Variants in CTBP2 observed in about 807,000 individuals in gnomAD.
The protein encoded by CTBP2 is C-terminal binding protein 2.
In CTBP2, 30 loss-of-function variants were observed where a neutral mutation model predicts 80.3. The observed-to-expected ratio is 0.37, with a 90% CI of 0.28 to 0.51. The LOEUF is 0.51. Ranked by LOEUF, CTBP2 falls within the 20% of genes least tolerant of loss-of-function variation. The probability of loss-of-function intolerance (pLI) is 0.93; values close to 1 mark genes in which losing one functional copy is unlikely to be tolerated. For synonymous variants in CTBP2, 594 were observed against 587.4 expected, an observed-to-expected ratio of 1.01 and a Z score of -0.16; for missense variants, 1,212 against 1,375.3, an observed-to-expected ratio of 0.88 and a Z score of 1.88.
chr10:125,120,675 C>T (rs923882869), intron 1 of CTBP2, among the ~76,000 whole-genome samples: 2 of 152,206 alleles, frequency 1.3e-5, no homozygotes, highest in African/African-American at 4.8e-5. Flanking sequence ...TTGTGAGCCA[C>T]CAGCCAACAA....
upstream of CTBP2, among the ~76,000 whole-genome samples, chr10:125,031,359 G>C (rs888397815): frequency 2.0e-5 from 3 of 151,582 alleles, no homozygotes; most frequent in Admixed American, 6.6e-5. Context: ...CGTGGTGGCG[G>C]GTGCCTGTAA....
intron 2 of CTBP2, among the ~76,000 whole-genome samples, chr10:125,070,275 G>T (rs10901862): frequency 1.3e-5 from 2 of 152,032 alleles, no homozygotes; most frequent in Admixed American, 1.3e-4. Flanking sequence ...CCCTTGAACT[G>T]GGGAGGCAGA....
chr10:125,045,484 C>A (rs1307914677), intron 2 of CTBP2, among the ~76,000 whole-genome samples: 1 of 152,166 alleles, frequency 6.6e-6, no homozygotes. Flanking sequence ...CCAAGGGCCC[C>A]CATACCATGC....
At chr10:125,051,629 G>C (rs1962791133) in intron 2 of CTBP2, among the ~76,000 whole-genome samples, 1 of 149,338 alleles carries the variant, frequency 6.7e-6, no homozygotes, top group Non-Finnish European at 1.5e-5. Flanking sequence ...AACAGAGTGA[G>C]ACTCTGTCTC....
chr10:125,139,028 A>C (rs1306765340), intron 1 of CTBP2, among the ~76,000 whole-genome samples: 1 of 152,152 alleles, frequency 6.6e-6, no homozygotes, highest in East Asian at 1.9e-4. Context: ...GCATCTACCA[A>C]ATACATCTCC....
intron 1 of CTBP2, among the ~76,000 whole-genome samples, chr10:125,018,738 G>A (rs569671233): frequency 8.5e-5 from 13 of 152,308 alleles, no homozygotes; most frequent in African/African-American, 1.4e-4. Context: ...CCAGCCCTGC[G>A]GAGGCACCGT....
intron 1 of CTBP2, among the ~76,000 whole-genome samples, chr10:125,159,221 C>T (rs1861493316): frequency 6.7e-6 from 1 of 149,852 alleles, no homozygotes; most frequent in Non-Finnish European, 1.5e-5. Flanking sequence ...CACCGGGTCC[C>T]TGCCGCCCGG....
chr10:125,109,617 A>G (rs978434075), intron 2 of CTBP2, among the ~76,000 whole-genome samples: 2 of 152,188 alleles, frequency 1.3e-5, no homozygotes, highest in African/African-American at 4.8e-5. Flanking sequence ...CAATGCTAAG[A>G]GCCTTAAGTG....
chr10:125,152,027 G>A (rs938737447), intron 1 of CTBP2, among the ~76,000 whole-genome samples: 1 of 152,160 alleles, frequency 6.6e-6, no homozygotes, highest in African/African-American at 2.4e-5. Flanking sequence ...GGGCCCGGGG[G>A]TGTCAGATAC....
At chr10:125,083,922 G>A (rs1337891464) in intron 2 of CTBP2, among the ~76,000 whole-genome samples, 1 of 152,162 alleles carries the variant, frequency 6.6e-6, no homozygotes, top group Non-Finnish European at 1.5e-5. Context: ...TGGGATTAGA[G>A]GCATGCGCCA....
intron 2 of CTBP2, among the ~76,000 whole-genome samples, chr10:125,055,116 C>G (rs889322736): frequency 6.6e-6 from 1 of 152,214 alleles, no homozygotes; most frequent in Non-Finnish European, 1.5e-5. Context: ...CTAGACCCCC[C>G]TCTGAATGGT....
At chr10:125,060,759 T>C (rs1964814454) in intron 2 of CTBP2, among the ~76,000 whole-genome samples, 3 of 152,096 alleles carry the variant, frequency 2.0e-5, no homozygotes, top group Non-Finnish European at 4.4e-5. Flanking sequence ...TTTCTCACAG[T>C]CGAGGAATAA....
chr10:125,154,583 CATTCACT>C (rs1331335552), intron 1 of CTBP2, among the ~76,000 whole-genome samples: 1 of 152,234 alleles, frequency 6.6e-6, no homozygotes, highest in African/African-American at 2.4e-5. Flanking sequence ...CTTTCTAAAA[CATTCACT>C]GAGGGAGGGA....
At position 125,098,736 on chromosome 10, in the gene CTBP2, G is replaced by GAGAGAGAGAGAGAC. The variant is rs1564914454; in HGVS notation, c.-102+12240_-102+12253dup. Among the ~76,000 whole-genome samples, 10 of 122,638 alleles carry GAGAGAGAGAGAGAC rather than the reference G, an allele frequency of 8.2e-5. No individual in the cohort carries two copies. In the East Asian group the frequency reaches 1.6e-3, roughly 20 times the overall value. 80.5% of individuals were successfully genotyped at this position (122,638 alleles called of 152,430 possible). A position where few individuals can be genotyped will look rare whatever the true frequency, so the allele number is the denominator to read the frequency against. On this transcript the variant is annotated intron_variant, in intron 2 of 10. Transcript: ENST00000337195. ...AGAGAGAGAGAGACAGAGAGAGAGA[G>GAGAGAGAGAGAGAC]AGAGAGAGAGAGACAGAGAGAGAGA...
At chr10:125,135,435 C>G (rs1230378791) in intron 1 of CTBP2, among the ~76,000 whole-genome samples, 2 of 152,194 alleles carry the variant, frequency 1.3e-5, no homozygotes, top group Non-Finnish European at 2.9e-5. Context: ...CCATCCCATC[C>G]CCCATCGCCT....
At chr10:125,026,024 C>G in intron 1 of CTBP2, 1 of 1,521,030 alleles carries the variant, frequency 6.6e-7, no homozygotes, top group Non-Finnish European at 8.8e-7. Context: ...TTCTACAACC[C>G]CGCACCCCCC....
upstream of CTBP2, among the ~76,000 whole-genome samples, chr10:125,030,931 G>A (rs1469599348): frequency 1.3e-5 from 2 of 152,194 alleles, no homozygotes; most frequent in Non-Finnish European, 2.9e-5. Flanking sequence ...CTCTGAAGGT[G>A]ATAGCGGAAA....
chr10:125,136,231 G>C (rs915442505), intron 1 of CTBP2, among the ~76,000 whole-genome samples: 23 of 152,118 alleles, frequency 1.5e-4, no homozygotes, highest in African/African-American at 5.3e-4. Flanking sequence ...GAGCTGGGAG[G>C]GAGGCCCAGG....
chr10:125,159,804 G>T (rs1017523915), intron 1 of CTBP2: 22 of 150,562 alleles, frequency 1.5e-4, no homozygotes, highest in African/African-American at 5.3e-4. Flanking sequence ...TTGTCCCCGC[G>T]GCGCGTCGCG....
Sources: allele counts gnomAD v4.1 joint callset (sites outside exome capture counted in the v4.1 genomes callset), GRCh38; gene constraint gnomAD v4.1.1; transcripts MANE v1.5; gene names NCBI Gene and HGNC (gene_info 2026-07-23, HGNC 2026-07-21).